Variants in AFF1 observed in about 807,000 individuals in gnomAD.
AFF1 encodes AF4/FMR2 family member 1.
Under a neutral mutation model 121.7 loss-of-function variants are expected in AFF1, and 48 were observed. The observed-to-expected ratio is 0.39, with a 90% CI of 0.31 to 0.50. The LOEUF (loss-of-function observed/expected upper bound fraction) is 0.50, where lower values mean the gene tolerates loss of function less well. AFF1 is among the 20% of genes least tolerant of loss of function. The pLI is 0.76. For missense variants in AFF1, 1,523 were observed against 1,511.7 expected, an observed-to-expected ratio of 1.01 and a Z score of -0.12; for synonymous variants, 613 against 563.0, an observed-to-expected ratio of 1.09 and a Z score of -1.26.
chr4:87,042,405 C>CT (rs1730251493), intron 2 of AFF1, among the ~76,000 whole-genome samples: 1 of 152,212 alleles, frequency 6.6e-6, no homozygotes, highest in South Asian at 2.1e-4. Flanking sequence ...TACCTCTACT[C>CT]TGTGAACTTC....
intron 2 of AFF1, among the ~76,000 whole-genome samples, chr4:87,009,753 ACT>A (rs1726542494): frequency 6.6e-6 from 1 of 152,192 alleles, no homozygotes; most frequent in African/African-American, 2.4e-5. Flanking sequence ...TTTCAGGGAA[ACT>A]CTAAAGCTGG....
Position 87,114,687 on chromosome 4 carries a change from C to T in AFF1, c.1854C>T (p.Ala618=). 1.9e-6 allele frequency: 3 copies of T among 1,613,968 alleles called. No individual in the cohort carries two copies. Among genetic ancestry groups the T allele is most frequent in the Non-Finnish European group, 2.5e-6 (3 of 1,179,990 alleles). ...AACAACCCAAAAAACCTGTCAAGGCCTCTGCCCGGGCAGGTTCACGGACCA... is the reference window on the plus strand; with the variant it reads ...AACAACCCAAAAAACCTGTCAAGGCTTCTGCCCGGGCAGGTTCACGGACCA... The part of the protein sequence containing the change: ...GTKQPKKPVK[A]SARAGSRTSL... Residue 618 remains alanine (A), a synonymous_variant, in exon 12 of 21, where the codon GCC becomes GCT. Coordinates refer to ENST00000395146, the MANE Select transcript of AFF1 (RefSeq NM_001166693.3).
intron 2 of AFF1, among the ~76,000 whole-genome samples, chr4:87,008,976 AT>A (rs1726454304): frequency 3.5e-5 from 5 of 144,246 alleles, no homozygotes; most frequent in Non-Finnish European, 7.6e-5. Context: ...GAAAATTAAG[AT>A]TAAGATACCT....
intron 2 of AFF1, among the ~76,000 whole-genome samples, chr4:86,963,630 C>G (rs1463782484): frequency 6.6e-6 from 1 of 152,058 alleles, no homozygotes; most frequent in Non-Finnish European, 1.5e-5. Flanking sequence ...GCAGATAGTT[C>G]CATTTGAAGT....
rs572110642 is a variant in AFF1, at chr4:86,983,783, A to G, written c.38+35212A>G. 7.9e-5 allele frequency among the ~76,000 whole-genome samples: 12 copies of G among 151,984 alleles called. No homozygotes were observed. In the South Asian group the frequency reaches 1.0e-3, roughly 13 times the overall value. ...CCAGGCGCAGTGGCTCACGCTTGTA[A>G]TCCCAGCACTTTGGGAGGCCGAGGC... On this transcript the variant is annotated intron_variant, in intron 2 of 20. Coordinates refer to ENST00000395146, the MANE Select transcript of AFF1 (RefSeq NM_001166693.3).
chr4:87,004,184 C>T (rs1725919844), intron 2 of AFF1, among the ~76,000 whole-genome samples: 1 of 152,132 alleles, frequency 6.6e-6, no homozygotes, highest in African/African-American at 2.4e-5. Flanking sequence ...AATCTAGGTG[C>T]TAAGAGGTTA....
intron 2 of AFF1, among the ~76,000 whole-genome samples, chr4:87,009,911 T>A (rs929397392): frequency 6.6e-6 from 1 of 152,258 alleles, no homozygotes; most frequent in Non-Finnish European, 1.5e-5. Context: ...AGACTCATTG[T>A]ACTTACAGAT....
intron 2 of AFF1, among the ~76,000 whole-genome samples, chr4:87,006,798 T>A (rs1726164581): frequency 6.6e-6 from 1 of 152,186 alleles, no homozygotes; most frequent in Non-Finnish European, 1.5e-5. Flanking sequence ...CAGGCGGGGC[T>A]CGGCCGGGGA....
chr4:87,132,164 C>A, intron 18 of AFF1, 107 bp from the exon 19 acceptor site: 1 of 1,352,860 alleles, frequency 7.4e-7, no homozygotes, highest in Non-Finnish European at 1.0e-6. Flanking sequence ...TACTAACTCA[C>A]ACAGGTGAGG....
chr4:86,980,597 ATAT>A (rs548589147), intron 2 of AFF1, among the ~76,000 whole-genome samples: 1 of 152,224 alleles, frequency 6.6e-6, no homozygotes, highest in Non-Finnish European at 1.5e-5. Flanking sequence ...TCTCTAAGAG[ATAT>A]TATTTTTTAA....
At chr4:86,972,968 A>G (rs1011958560) in intron 2 of AFF1, among the ~76,000 whole-genome samples, 1 of 152,226 alleles carries the variant, frequency 6.6e-6, no homozygotes, top group Non-Finnish European at 1.5e-5. Flanking sequence ...GGTTAGGGCT[A>G]GTAGCCCTAG....
chr4:87,089,927 G>A (rs1322623415), intron 5 of AFF1, 57 bp from the exon 6 acceptor site: 7 of 1,267,160 alleles, frequency 5.5e-6, no homozygotes, highest in African/African-American at 1.5e-5. Context: ...ATGTTAAGTA[G>A]CAATGAATGT....
chr4:87,018,816 T>C (rs573482861), intron 2 of AFF1, among the ~76,000 whole-genome samples: 1 of 152,304 alleles, frequency 6.6e-6, no homozygotes, highest in South Asian at 2.1e-4. Flanking sequence ...TAGGCTTAAT[T>C]GGCACATAAA....
rs369236076 is a variant in AFF1, at chr4:87,084,601, T to A, written c.1104+437T>A. On this transcript the variant is annotated intron_variant, in intron 5 of 20. Transcript: ENST00000395146. The stretch of plus-strand genomic sequence containing the variant: ...ATAAATAAATAAATAAATAAATAAA[T>A]AAAAAATAAAGAACAGTTGTTGTTC... Among the ~76,000 whole-genome samples the A allele has an allele frequency of 3.6e-3, 402 of 112,256 alleles. 3 individuals are homozygous for A. Among genetic ancestry groups the A allele is most frequent in the African/African-American group, 9.7e-3 (309 of 31,864 alleles). 73.6% of individuals were successfully genotyped at this position (112,256 alleles called of 152,430 possible).
intron 1 of AFF1, among the ~76,000 whole-genome samples, chr4:86,937,779 G>C (rs1720134522): frequency 1.4e-5 from 1 of 70,028 alleles, no homozygotes; most frequent in African/African-American, 4.0e-5. Context: ...AGATGGCTTG[G>C]GGTGGGGGTG....
intron 1 of AFF1, among the ~76,000 whole-genome samples, chr4:86,943,149 C>T (rs1445757875): frequency 2.6e-5 from 4 of 152,158 alleles, no homozygotes; most frequent in East Asian, 1.9e-4. Flanking sequence ...TTGAGTGTAG[C>T]GTAGCACCAG....
intron 2 of AFF1, among the ~76,000 whole-genome samples, chr4:86,989,707 C>T (rs953565340): frequency 6.6e-6 from 1 of 152,152 alleles, no homozygotes; most frequent in Admixed American, 6.5e-5. Flanking sequence ...AATCATTCTG[C>T]TATAAAGACA....
intron 4 of AFF1, among the ~76,000 whole-genome samples, chr4:87,071,444 A>G (rs1722043178): frequency 6.6e-6 from 1 of 152,190 alleles, no homozygotes; most frequent in Non-Finnish European, 1.5e-5. Context: ...TGTAGAAATA[A>G]CACTGCTCAT....
Position 87,049,903 on chromosome 4 carries a change from G to A in AFF1, c.1059+2309G>A, listed in dbSNP as rs118131660. 214 of 351,406 alleles carry A rather than the reference G, an allele frequency of 6.1e-4. 1 individual carries two copies. The East Asian group carries it at 0.015, about 25-fold the overall frequency. The allele number at this position is 351,406 out of a possible 1,614,324, so 21.8% of individuals were successfully genotyped here. On this transcript the variant is annotated intron_variant, in intron 4 of 20. Transcript: ENST00000395146. ...GGGGATCTTGGTGCTCCCTGGTCAG[G>A]TTTTGGATTTGATTTTGCTCTTTTA... is the stretch of plus-strand genomic sequence containing the variant.
Sources: gnomAD v4.1 joint callset for allele counts (sites outside exome capture counted in the v4.1 genomes callset) on GRCh38, gnomAD v4.1.1 for gene constraint, MANE v1.5 for transcripts, NCBI Gene and HGNC (gene_info 2026-07-23, HGNC 2026-07-21) for gene names.